ATXN1: variants seen among roughly 807,000 people sequenced by gnomAD.
ATXN1 encodes the protein ataxin 1.
A neutral mutation model predicts 56.4 loss-of-function variants in ATXN1; 8 were observed. The ratio of observed to expected loss-of-function variants is 0.14; its 90% CI spans 0.08 to 0.26. The LOEUF is 0.26. ATXN1 is among the 10% of genes least tolerant of loss of function. The pLI, the probability that ATXN1 is intolerant of heterozygous loss-of-function variation, is 1.00. For missense variants in ATXN1, 987 were observed against 1,106.5 expected, an observed-to-expected ratio of 0.89 and a Z score of 1.53; for synonymous variants, 514 against 494.6, an observed-to-expected ratio of 1.04 and a Z score of -0.52.
At chr6:16,550,037 C>G (rs1014952217) in intron 4 of ATXN1, among the ~76,000 whole-genome samples, 7 of 150,482 alleles carry the variant, frequency 4.7e-5, no homozygotes, top group Admixed American at 4.0e-4. Context: ...GGGGAGGGAA[C>G]CTAGATGACA....
At chr6:16,330,538 C>T (rs1032217706) in intron 6 of ATXN1, among the ~76,000 whole-genome samples, 3 of 151,734 alleles carry the variant, frequency 2.0e-5, no homozygotes, top group Admixed American at 6.6e-5. Flanking sequence ...TACAGGTGCA[C>T]GCCACCACAC....
At chr6:16,566,530 A>G (rs1762220284) in intron 4 of ATXN1, among the ~76,000 whole-genome samples, 1 of 151,892 alleles carries the variant, frequency 6.6e-6, no homozygotes, top group South Asian at 2.1e-4. Flanking sequence ...ACATCTCACC[A>G]TGCCTGGCCA....
intron 2 of ATXN1, among the ~76,000 whole-genome samples, chr6:16,721,177 C>A (rs1459300584): frequency 1.3e-5 from 2 of 152,238 alleles, no homozygotes; most frequent in African/African-American, 2.4e-5. Flanking sequence ...AAATGTTCCT[C>A]ATTTGTCTCA....
intron 2 of ATXN1, among the ~76,000 whole-genome samples, chr6:16,698,060 T>C (rs1452911386): frequency 3.9e-5 from 6 of 152,190 alleles, no homozygotes; most frequent in Admixed American, 3.9e-4. Flanking sequence ...TTGCCCATTC[T>C]AATCATCCCT....
At chr6:16,640,394 T>C (rs567944439) in intron 3 of ATXN1, among the ~76,000 whole-genome samples, 1 of 152,194 alleles carries the variant, frequency 6.6e-6, no homozygotes, top group South Asian at 2.1e-4. Context: ...CACAAGAATA[T>C]TGAAGTTGGC....
At chr6:16,718,550 T>TA (rs1310305136) in intron 2 of ATXN1, among the ~76,000 whole-genome samples, 1 of 152,262 alleles carries the variant, frequency 6.6e-6, no homozygotes, top group Non-Finnish European at 1.5e-5. Flanking sequence ...AGAAAATGCT[T>TA]ACTTCCCATT....
intron 2 of ATXN1, among the ~76,000 whole-genome samples, chr6:16,716,248 T>C (rs1759638797): frequency 6.6e-6 from 1 of 152,148 alleles, no homozygotes; most frequent in Non-Finnish European, 1.5e-5. Flanking sequence ...CCCTGAAATA[T>C]GGTAGGTACT....
chr6:16,580,145 T>C (rs1261498666), intron 4 of ATXN1, among the ~76,000 whole-genome samples: 1 of 152,222 alleles, frequency 6.6e-6, no homozygotes, highest in African/African-American at 2.4e-5. Context: ...GATTCACTAT[T>C]TGAACACTGA....
At chr6:16,520,568 G>A (rs750311877) in intron 5 of ATXN1, among the ~76,000 whole-genome samples, 6 of 152,076 alleles carry the variant, frequency 3.9e-5, no homozygotes, top group African/African-American at 4.8e-5. Context: ...GCATGGAAAT[G>A]GACATTTCTT....
At chr6:16,679,036 CAA>C (rs879339592) in intron 2 of ATXN1, among the ~76,000 whole-genome samples, 4 of 113,028 alleles carry the variant, frequency 3.5e-5, no homozygotes, top group Non-Finnish European at 1.9e-5. Flanking sequence ...AACTCCATCT[CAA>C]AAAAAAAAAA....
chr6:16,496,124 C>T (rs13218013), intron 5 of ATXN1, among the ~76,000 whole-genome samples: 6 of 152,242 alleles, frequency 3.9e-5, no homozygotes, highest in East Asian at 1.9e-4. Context: ...AATACTATTC[C>T]GAGTAACTGC....
At chr6:16,378,464 C>T (rs1762187645) in intron 6 of ATXN1, among the ~76,000 whole-genome samples, 1 of 152,144 alleles carries the variant, frequency 6.6e-6, no homozygotes, top group African/African-American at 2.4e-5. Flanking sequence ...ACTTGTGGAG[C>T]CAGGACTAGA....
chr6:16,494,328 A>G (rs1760731306), intron 5 of ATXN1, among the ~76,000 whole-genome samples: 2 of 152,200 alleles, frequency 1.3e-5, no homozygotes, highest in African/African-American at 4.8e-5. Flanking sequence ...AAAATTTCTT[A>G]CAAACTGGCA....
At chr6:16,412,349 AT>A (rs1356882348) in intron 6 of ATXN1, among the ~76,000 whole-genome samples, 4 of 152,184 alleles carry the variant, frequency 2.6e-5, no homozygotes, top group Non-Finnish European at 5.9e-5. Flanking sequence ...CGTGTCCCTT[AT>A]CATCTAAAGG....
At chr6:16,639,647 A>C (rs12197334) in intron 3 of ATXN1, among the ~76,000 whole-genome samples, 59,995 of 152,070 alleles carry the variant, frequency 0.39, 12,535 homozygotes, top group African/African-American at 0.52. Flanking sequence ...TTGGAGCTCC[A>C]AGGGGCCAGG....
chr6:16,519,443 G>T (rs968268539), intron 5 of ATXN1, among the ~76,000 whole-genome samples: 2 of 152,192 alleles, frequency 1.3e-5, no homozygotes, highest in African/African-American at 4.8e-5. Flanking sequence ...ATTAGAAACT[G>T]CCTCTCTGGT....
intron 3 of ATXN1, among the ~76,000 whole-genome samples, chr6:16,613,626 C>T (rs1170435545): frequency 6.6e-6 from 1 of 151,704 alleles, no homozygotes; most frequent in Non-Finnish European, 1.5e-5. Context: ...AGTTTGAGAC[C>T]AGCCTGAGCA....
intron 4 of ATXN1, among the ~76,000 whole-genome samples, chr6:16,583,468 T>A (rs1183296995): frequency 2.6e-5 from 4 of 152,162 alleles, no homozygotes; most frequent in Non-Finnish European, 5.9e-5. Flanking sequence ...AAGAGCTGGG[T>A]GTGGCGGGGG....
At chr6:16,619,467 C>G (rs1763279165) in intron 3 of ATXN1, among the ~76,000 whole-genome samples, 1 of 152,148 alleles carries the variant, frequency 6.6e-6, no homozygotes, top group Non-Finnish European at 1.5e-5. Flanking sequence ...TAAGATCACA[C>G]TGTGTGGGCT....
Sources: allele counts gnomAD v4.1 joint callset (sites outside exome capture counted in the v4.1 genomes callset), GRCh38; gene constraint gnomAD v4.1.1; transcripts MANE v1.5; gene names NCBI Gene and HGNC (gene_info 2026-07-23, HGNC 2026-07-21).